The following PREX1 variants were observed in gnomAD, a reference collection of about 807,000 sequenced individuals.
PREX1 encodes the protein phosphatidylinositol 3,4,5-trisphosphate-dependent Rac exchanger 1 protein.
Under a neutral mutation model 198.3 loss-of-function variants are expected in PREX1, and 41 were observed. The observed-to-expected ratio is 0.21, with a 90% CI of 0.16 to 0.27. PREX1 has a LOEUF of 0.27. Among genes scored for constraint, PREX1 ranks in the 10% least tolerant of loss-of-function variants. PREX1 has a pLI of 1.00. For synonymous variants in PREX1, 843 were observed against 887.2 expected (o/e 0.95, Z 0.89); for missense variants, 1,620 against 2,200.7 (o/e 0.74, Z 5.28).
At position 48,763,327 on chromosome 20, in the gene PREX1, G is replaced by A. The variant is rs540239432; in HGVS notation, c.220-15447C>T. ...GCTGGAAGGAAAAGCCTCAAGTGACGGAGACAGTGGTGGCTGGGAACAGGC... is the reference window on the plus strand; with the variant it reads ...GCTGGAAGGAAAAGCCTCAAGTGACAGAGACAGTGGTGGCTGGGAACAGGC... On this transcript the variant is annotated intron_variant, in intron 1 of 39. Transcript: ENST00000371941. Among the ~76,000 whole-genome samples the A allele has an allele frequency of 6.6e-5, 10 of 152,326 alleles. No homozygotes were observed. In the East Asian group the frequency reaches 7.7e-4, roughly 12 times the overall value.
Position 48,625,013 on chromosome 20 carries a change from CAA to C in PREX1, c.*870_*871del, listed in dbSNP as rs969179116. The C allele has an allele frequency of 3.9e-5, 6 of 152,544 alleles. No homozygotes were observed. Among genetic ancestry groups the C allele is most frequent in the Admixed American group, 3.3e-4 (5 of 15,280 alleles). 9.4% of individuals were successfully genotyped at this position (152,544 alleles called of 1,614,324 possible). On this transcript the variant is annotated 3_prime_UTR_variant, in exon 40 of 40. Transcript: ENST00000371941. ...AACCCTAATATTAACAAACAGGAAA[CAA>C]TGACATTTTTTAATTTTTCAATAAT... is the stretch of plus-strand genomic sequence containing the variant.
At chr20:48,837,190 C>A in the PREX1 span, among the ~76,000 whole-genome samples, 3 of 152,072 alleles carry the variant, frequency 2.0e-5, no homozygotes, top group Admixed American at 6.5e-5. Context: ...CCTGAGGTTG[C>A]GAAGAAAAGG....
intron 2 of PREX1, among the ~76,000 whole-genome samples, chr20:48,746,632 T>C (rs1020889081): frequency 2.0e-5 from 3 of 152,196 alleles, no homozygotes; most frequent in South Asian, 4.1e-4. Flanking sequence ...GAGTGGGCAG[T>C]TGGGGCTGGG....
intron 1 of PREX1, among the ~76,000 whole-genome samples, chr20:48,759,579 A>G (rs887119125): frequency 6.6e-6 from 1 of 151,648 alleles, no homozygotes. Context: ...GAAAAGAAAG[A>G]AAAAAAGAAA....
intron 1 of PREX1, among the ~76,000 whole-genome samples, chr20:48,763,059 A>G (rs149416449): frequency 7.9e-5 from 12 of 152,292 alleles, no homozygotes; most frequent in African/African-American, 2.6e-4. Context: ...TGGTGGTACA[A>G]CTCTATGAAT....
chr20:48,663,727 A>G (rs1379988620), intron 15 of PREX1, among the ~76,000 whole-genome samples: 5 of 152,230 alleles, frequency 3.3e-5, no homozygotes, highest in Non-Finnish European at 7.3e-5. Context: ...AACAGCCAAA[A>G]GGCCTTCTTG....
In PREX1 at chr20:48,812,587, T is replaced by A. The variant is rs193077385; in HGVS notation, c.219+15055A>T. Among the ~76,000 whole-genome samples, 15 of 152,218 alleles carry A rather than the reference T, an allele frequency of 9.9e-5. No individual in the cohort carries two copies. In the East Asian group the frequency reaches 2.5e-3, roughly 25 times the overall value. On this transcript the variant is annotated intron_variant, in intron 1 of 39. Coordinates refer to ENST00000371941, the MANE Select transcript of PREX1 (RefSeq NM_020820.4). Reference sequence around the variant, plus strand: ...GTATAATAATTCTTATAAGTATAGCTAATATATATGGAATGCTTACTATGT... The same window carrying A: ...GTATAATAATTCTTATAAGTATAGCAAATATATATGGAATGCTTACTATGT...
At chr20:48,645,118 A>G (rs1022254373) in intron 26 of PREX1, among the ~76,000 whole-genome samples, 4 of 152,258 alleles carry the variant, frequency 2.6e-5, no homozygotes, top group African/African-American at 9.6e-5. Context: ...CGAGCAGCCA[A>G]CGGGGGATCA....
intron 5 of PREX1, among the ~76,000 whole-genome samples, chr20:48,715,638 T>C (rs538712105): frequency 3.3e-5 from 5 of 152,314 alleles, no homozygotes; most frequent in Admixed American, 3.3e-4. Context: ...GGGTGATGAA[T>C]GTAAAAGTCT....
chr20:48,726,452 C>A, intron 4 of PREX1, 61 bp from the exon 5 acceptor site: 4 of 1,239,364 alleles, frequency 3.2e-6, no homozygotes, highest in East Asian at 2.4e-5. Context: ...ACATAGCCAC[C>A]CTCAACCATG....
At chr20:48,697,597 G>A (rs1249349742) in intron 7 of PREX1, among the ~76,000 whole-genome samples, 1 of 152,022 alleles carries the variant, frequency 6.6e-6, no homozygotes, top group Non-Finnish European at 1.5e-5. Flanking sequence ...TGTTAGCCAG[G>A]ATGGCCTCGA....
At chr20:48,759,648 A>T (rs4384849) in intron 1 of PREX1, among the ~76,000 whole-genome samples, 10,548 of 152,154 alleles carry the variant, frequency 0.069, 522 homozygotes, top group South Asian at 0.19. Flanking sequence ...TACAAGCTCT[A>T]AGACCTGAAG....
In PREX1 at chr20:48,758,527, A is replaced by T. The variant is rs80241448; in HGVS notation, c.220-10647T>A. 2.0e-3 allele frequency among the ~76,000 whole-genome samples: 307 copies of T among 152,224 alleles called. 10 individuals are homozygous for T. Among genetic ancestry groups the T allele is most frequent in the East Asian group, 0.014 (74 of 5,176 alleles). On this transcript the variant is annotated intron_variant, in intron 1 of 39. Coordinates refer to ENST00000371941, the MANE Select transcript of PREX1 (RefSeq NM_020820.4). Reference sequence around the variant, plus strand: ...CGCAGCCACACAGGCCAGGCACTTCAGCAGATGTTCTCCTAATACACACCA... The same window carrying T: ...CGCAGCCACACAGGCCAGGCACTTCTGCAGATGTTCTCCTAATACACACCA...
chr20:48,882,565 T>C, the PREX1 span, among the ~76,000 whole-genome samples: 1 of 149,572 alleles, frequency 6.7e-6, no homozygotes, highest in Non-Finnish European at 1.5e-5. Context: ...TCTATGTGTA[T>C]GTATATTTTT....
Position 48,708,298 on chromosome 20 carries a change from C to T in PREX1, c.745G>A (p.Ala249Thr), listed in dbSNP as rs2089913250. The T allele has an allele frequency of 1.2e-6, 2 of 1,614,104 alleles. No homozygotes were observed. Among genetic ancestry groups the T allele is most frequent in the East Asian group, 4.5e-5 (2 of 44,868 alleles). The stretch of plus-strand genomic sequence containing the variant: ...ATGTGGGACTGCAGCTGCTCCAGGG[C>T]TTCCAGCTTCTCCATCTGCCGCTTG... ...ETKRQMEKLE[A>T]LEQLQSHIEG... The change falls in exon 6 of 40, where the codon GCC becomes ACC. Residue 249 changes from alanine (A) to threonine (T), a missense_variant. Transcript: ENST00000371941.
At chr20:48,677,412 A>T (rs2089717182) in intron 13 of PREX1, among the ~76,000 whole-genome samples, 1 of 152,210 alleles carries the variant, frequency 6.6e-6, no homozygotes, top group Admixed American at 6.5e-5. Context: ...TGGGATAAGA[A>T]TCAGGTCACC....
intron 1 of PREX1, among the ~76,000 whole-genome samples, chr20:48,819,351 T>C (rs529037297): frequency 6.6e-6 from 1 of 152,210 alleles, no homozygotes; most frequent in East Asian, 1.9e-4. Flanking sequence ...CATCTGCTGC[T>C]CCCACTGCCT....
At chr20:48,869,199 G>A in the PREX1 span, among the ~76,000 whole-genome samples, 1 of 152,032 alleles carries the variant, frequency 6.6e-6, no homozygotes, top group South Asian at 2.1e-4. Context: ...TTAGTACATA[G>A]ACTATATGTA....
intron 1 of PREX1, among the ~76,000 whole-genome samples, chr20:48,806,440 TA>T (rs1438818762): frequency 6.6e-6 from 1 of 152,246 alleles, no homozygotes; most frequent in African/African-American, 2.4e-5. Flanking sequence ...TTGTTTGTTC[TA>T]AACTCTAGAC....
Sources: gnomAD v4.1 joint callset for allele counts (sites outside exome capture counted in the v4.1 genomes callset) on GRCh38, gnomAD v4.1.1 for gene constraint, MANE v1.5 for transcripts, NCBI Gene and HGNC (gene_info 2026-07-23, HGNC 2026-07-21) for gene names.